STIP1: variants seen among roughly 807,000 people sequenced by gnomAD.
STIP1 encodes the protein stress-induced-phosphoprotein 1.
STIP1 carries 16 observed loss-of-function variants against 77.4 expected under a neutral mutation model. That is an observed-to-expected ratio of 0.21 (90% confidence interval 0.14 to 0.31). The LOEUF (loss-of-function observed/expected upper bound fraction) is 0.31. Ranked by LOEUF, STIP1 falls within the 10% of genes least tolerant of loss-of-function variation. The pLI, the probability that STIP1 is intolerant of heterozygous loss-of-function variation, is 1.00. For synonymous variants in STIP1, 258 were observed against 246.6 expected, an observed-to-expected ratio of 1.05 and a Z score of -0.44; for missense variants, 524 against 684.8, an observed-to-expected ratio of 0.77 and a Z score of 2.62.
intron 1 of STIP1, among the ~76,000 whole-genome samples, chr11:64,192,797 C>T (rs1349211541): frequency 1.3e-5 from 2 of 152,228 alleles, no homozygotes; most frequent in East Asian, 3.8e-4. Flanking sequence ...GGAGTGGCTT[C>T]GTGAGCTCCA....
rs1946141234 is a variant in STIP1, at chr11:64,195,660, C to T, written c.519C>T (p.Pro173=). Residue 173 remains proline, a synonymous_variant, in exon 5 of 14, where the codon CCC becomes CCT. Transcript: ENST00000305218. ...TCAATACTAGGAAACTACAAGATCC[C>T]CGGATCATGACCACTCTCAGCGTCC... The part of the protein sequence containing the change: ...PSDLGTKLQD[P]RIMTTLSVLL... 1 of 1,609,364 alleles carries T rather than the reference C, an allele frequency of 6.2e-7. No homozygotes were observed. Among genetic ancestry groups the T allele is most frequent in the Non-Finnish European group, 8.5e-7 (1 of 1,178,454 alleles).
chr11:64,197,156 A>G, intron 5 of STIP1, 115 bp from the exon 6 acceptor site: 1 of 1,403,480 alleles, frequency 7.1e-7, no homozygotes, highest in Non-Finnish European at 9.7e-7. Flanking sequence ...CTTCAGGAGA[A>G]CTTGATAGAA....
At chr11:64,192,976 C>A in intron 1 of STIP1, 102 bp from the exon 2 acceptor site, 1 of 1,091,232 alleles carries the variant, frequency 9.2e-7, no homozygotes, top group South Asian at 1.4e-5. Flanking sequence ...GTAAAGTCAC[C>A]TATTTATTTG....
rs143766907 is a variant in STIP1 at position 64,194,828 on chromosome 11, C to T, written c.503+208C>T. Among the ~76,000 whole-genome samples, 317 of 152,260 alleles carry T rather than the reference C, an allele frequency of 2.1e-3. 5 individuals carry two copies. The Middle Eastern group carries it at 0.037, about 18-fold the overall frequency. ...CACAGTAATCTAGAATGTTCTTTGT[C>T]ATCTGTATACACCTCTCTCCTGCTC... is the stretch of plus-strand genomic sequence containing the variant. On this transcript the variant is annotated intron_variant, in intron 4 of 13. Coordinates refer to ENST00000305218, the MANE Select transcript of STIP1 (RefSeq NM_006819.3).
intron 5 of STIP1, 149 bp downstream of exon 5, chr11:64,195,962 G>C: frequency 8.8e-7 from 1 of 1,141,668 alleles, no homozygotes; most frequent in Non-Finnish European, 1.2e-6. Context: ...GGTTGGTCTT[G>C]AACTTCTGGC....
In STIP1 at chr11:64,193,086, G is replaced by A; in HGVS notation, c.18G>A (p.Glu6=). 6.2e-7 allele frequency: 1 copy of A among 1,614,040 alleles called. No homozygotes were observed. The highest frequency in any genetic ancestry group is 2.2e-5 in the East Asian group (1 of 44,890). MEQVN[E]LKEKGNKALS... Reference sequence around the variant, plus strand: ...TGTTCCTTTCCCCTCAGGTCAATGAGCTGAAGGAGAAAGGCAACAAGGCCC... The same window carrying A: ...TGTTCCTTTCCCCTCAGGTCAATGAACTGAAGGAGAAAGGCAACAAGGCCC... The change falls in exon 2 of 14, where the codon GAG becomes GAA. Residue 6 remains glutamate, a synonymous_variant. Transcript: ENST00000305218.
chr11:64,202,657 G>C (rs1946232251), intron 10 of STIP1: 2 of 586,232 alleles, frequency 3.4e-6, no homozygotes, highest in Non-Finnish European at 6.1e-6. Context: ...AACTGGAATT[G>C]TCCCCCGCTA....
Position 64,194,417 on chromosome 11 carries a change from A to G in STIP1, c.362-62A>G, listed in dbSNP as rs1337464792. 7 of 1,612,252 alleles carry G rather than the reference A, an allele frequency of 4.3e-6. No homozygotes were observed. In the Admixed American group the frequency reaches 8.3e-5, roughly 19 times the overall value. On this transcript the variant is annotated intron_variant, in intron 3 of 13. Transcript: ENST00000305218. Reference sequence around the variant, plus strand: ...CTGAGAAATGTCAGTCTGGTAGGGTATGGGACACAGTAATTCTAGTGAACT... The same window carrying G: ...CTGAGAAATGTCAGTCTGGTAGGGTGTGGGACACAGTAATTCTAGTGAACT...
At chr11:64,201,596 T>C (rs1339857830) in intron 10 of STIP1, among the ~76,000 whole-genome samples, 1 of 152,186 alleles carries the variant, frequency 6.6e-6, no homozygotes, top group African/African-American at 2.4e-5. Flanking sequence ...AAGTGTGACC[T>C]GTCTAGAAAC....
At chr11:64,188,312 C>T (rs2134780663) in intron 1 of STIP1, among the ~76,000 whole-genome samples, 1 of 148,942 alleles carries the variant, frequency 6.7e-6, no homozygotes, top group East Asian at 2.0e-4. Context: ...CCACTGCACT[C>T]TAGCCTGGGT....
In STIP1 at chr11:64,194,257, G is replaced by C; in HGVS notation, c.288G>C (p.Glu96Asp). The C allele has an allele frequency of 1.9e-6, 3 of 1,614,220 alleles. No homozygotes were observed. The highest frequency in any genetic ancestry group is 2.5e-6 in the Non-Finnish European group (3 of 1,180,052). ...NRFEEAKRTY[E>D]EGLKHEANNP... ...TTGAAGAAGCCAAGCGAACCTATGA[G>C]GAGGGCTTAAAACACGAGGCAAATA... Residue 96 changes from glutamate (E) to aspartate (D), a missense_variant, in exon 3 of 14, where the codon GAG (glutamate) becomes GAC (aspartate). Physicochemically the swap from Glu to Asp is conservative, Grantham distance 45 (BLOSUM62 2). Coordinates refer to ENST00000305218, the MANE Select transcript of STIP1 (RefSeq NM_006819.3).
intron 8 of STIP1, among the ~76,000 whole-genome samples, chr11:64,199,695 C>A (rs1946194296): frequency 6.6e-6 from 1 of 150,464 alleles, no homozygotes; most frequent in Admixed American, 6.6e-5. Context: ...TCCCGAGTAG[C>A]TGGGACTACA....
chr11:64,192,232 T>G (rs1946101084), intron 1 of STIP1, among the ~76,000 whole-genome samples: 1 of 152,192 alleles, frequency 6.6e-6, no homozygotes, highest in Non-Finnish European at 1.5e-5. Context: ...GAGAATCGCT[T>G]GAACCTGGGA....
At chr11:64,185,487 C>G (rs1335204070), upstream of STIP1, 2 of 339,438 alleles carry the variant, frequency 5.9e-6, no homozygotes, top group African/African-American at 4.4e-5. Flanking sequence ...GGCCGGAGCG[C>G]TGGACAACGC....
chr11:64,203,495 C>T lies in STIP1; in HGVS notation c.1432C>T (p.Arg478Trp). The T allele has an allele frequency of 6.2e-7, 1 of 1,614,066 alleles. No homozygotes were observed. The highest frequency in any genetic ancestry group is 8.5e-7 in the Non-Finnish European group (1 of 1,180,032). ...YQRCMMAQYN[R>W]HDSPEDVKRR... ...GCGCTGTATGATGGCGCAGTACAAC[C>T]GGCACGACAGCCCCGAAGATGTGAA... Residue 478 changes from arginine (R) to tryptophan (W), a missense_variant, in exon 13 of 14, where the codon CGG (arginine) becomes TGG (tryptophan). Coordinates refer to ENST00000305218, the MANE Select transcript of STIP1 (RefSeq NM_006819.3).
At chr11:64,200,080 G>T (rs1286228672) in intron 9 of STIP1, 44 bp downstream of exon 9, 2 of 1,613,428 alleles carry the variant, frequency 1.2e-6, no homozygotes, top group Admixed American at 1.7e-5. Flanking sequence ...TGCTGGGTGT[G>T]CCTCCCGTGC....
At position 64,197,281 on chromosome 11, in the gene STIP1, A is replaced by G; in HGVS notation, c.683A>G (p.Glu228Gly). The change falls in exon 6 of 14, where the codon GAA (glutamate) becomes GGA (glycine). Residue 228 changes from glutamate (E) to glycine (G), a missense_variant. Physicochemically the swap from Glu to Gly is moderately conservative, Grantham distance 98. Coordinates refer to ENST00000305218, the MANE Select transcript of STIP1 (RefSeq NM_006819.3). ...CTAAACCTCATCTAGGCACTGAAAG[A>G]AAAAGAGCTGGGGAACGATGCCTAC... is the stretch of plus-strand genomic sequence containing the variant. ...LPENKKQALK[E>G]KELGNDAYKK... 1 of 1,614,110 alleles carries G rather than the reference A, an allele frequency of 6.2e-7. No individual in the cohort carries two copies. The highest frequency in any genetic ancestry group is 8.5e-7 in the Non-Finnish European group (1 of 1,180,022).
At chr11:64,198,496 C>T (rs1485538451) in intron 8 of STIP1, among the ~76,000 whole-genome samples, 4 of 152,268 alleles carry the variant, frequency 2.6e-5, no homozygotes, top group East Asian at 1.9e-4. Context: ...CAGGCCACTG[C>T]GCCTGGCCAC....
At chr11:64,185,448 A>ATTTCCGGAACATT (rs1945998423), upstream of STIP1, 2 of 267,070 alleles carry the variant, frequency 7.5e-6, no homozygotes, top group Admixed American at 1.0e-4. Flanking sequence ...TCAGAACCTA[A>ATTTCCGGAACATT]CAGCCAGGAG....
Sources: allele counts gnomAD v4.1 joint callset (sites outside exome capture counted in the v4.1 genomes callset), GRCh38; gene constraint gnomAD v4.1.1; transcripts MANE v1.5; gene names NCBI Gene and HGNC (gene_info 2026-07-23, HGNC 2026-07-21).